The following PCDHA10 variants were observed in gnomAD, a reference collection of about 807,000 sequenced individuals.
PCDHA10 encodes protocadherin alpha 10.
In PCDHA10, 45 loss-of-function variants were observed where a neutral mutation model predicts 61.2. That is an observed-to-expected ratio of 0.74 (90% CI 0.58 to 0.94). PCDHA10 has a LOEUF of 0.94. Among genes scored for constraint, PCDHA10 ranks in the 40% least tolerant of loss-of-function variants. The pLI, the probability that PCDHA10 is intolerant of heterozygous loss-of-function variation, is 0.00. For synonymous variants in PCDHA10, 602 were observed against 548.8 expected (o/e 1.10, Z -1.35); for missense variants, 1,278 against 1,236.2 (o/e 1.03, Z -0.51).
chr5:140,861,270 A>G (rs900401240), intron 1 of PCDHA10: 2 of 180,284 alleles, frequency 1.1e-5, no homozygotes, highest in South Asian at 1.2e-4. Flanking sequence ...AGCCTACAGC[A>G]CTGGCTTCTG....
chr5:140,927,839 G>T (rs782594719), intron 1 of PCDHA10: 1 of 1,614,208 alleles, frequency 6.2e-7, no homozygotes, highest in South Asian at 1.1e-5. Context: ...AGGGACGAAG[G>T]TGTCTTTGGT....
At chr5:140,942,546 TA>T (rs1380022033) in intron 1 of PCDHA10, among the ~76,000 whole-genome samples, 4 of 150,044 alleles carry the variant, frequency 2.7e-5, no homozygotes, top group African/African-American at 9.8e-5. Flanking sequence ...TGGTGGGGGG[TA>T]GGGGGTTGAG....
At position 140,856,511 on chromosome 5, in the gene PCDHA10, G is replaced by A. The variant is rs1554148790; in HGVS notation, c.463G>A (p.Gly155Ser). The change falls in exon 1 of 4, where the codon GGC becomes AGC. Residue 155 changes from glycine (G) to serine (S), a missense_variant. Gly to Ser is a moderately conservative substitution (Grantham distance 56, BLOSUM62 0). Transcript: ENST00000307360. ...RLLDSRFPLE[G>S]ASDADVGENA... The stretch of plus-strand genomic sequence containing the variant: ...GCTTGACTCTCGATTTCCACTAGAA[G>A]GCGCATCTGATGCGGATGTTGGAGA... The A allele has an allele frequency of 6.3e-7, 1 of 1,598,478 alleles. No individual in the cohort carries two copies. Among genetic ancestry groups the A allele is most frequent in the Non-Finnish European group, 8.6e-7 (1 of 1,167,918 alleles).
chr5:140,969,547 A>C, intron 1 of PCDHA10: 10 of 1,244,334 alleles, frequency 8.0e-6, no homozygotes, highest in Non-Finnish European at 9.8e-6. Flanking sequence ...AGAGGCATGA[A>C]GCCTTGTCCA....
At chr5:140,893,385 G>A (rs2063961874) in intron 1 of PCDHA10, among the ~76,000 whole-genome samples, 1 of 152,138 alleles carries the variant, frequency 6.6e-6, no homozygotes, top group South Asian at 2.1e-4. Flanking sequence ...TGGGACAGTG[G>A]CTCATGCCTG....
At chr5:140,886,560 G>A (rs1230327560) in intron 1 of PCDHA10, among the ~76,000 whole-genome samples, 3 of 151,904 alleles carry the variant, frequency 2.0e-5, no homozygotes, top group Non-Finnish European at 4.4e-5. Flanking sequence ...GGGCACGGTG[G>A]CTCACGCCTG....
chr5:140,883,822 C>T, intron 1 of PCDHA10: 2 of 1,612,484 alleles, frequency 1.2e-6, no homozygotes, highest in Non-Finnish European at 1.7e-6. Flanking sequence ...GCAAGGTGTA[C>T]GCGCTGCAGC....
At position 140,993,463 on chromosome 5, in the gene PCDHA10, CA is replaced by C. The variant is rs1563591979; in HGVS notation, c.2536+10901del. ...ATTCCTGTTCTCCTTCTTTCTTTCTCACACACACACACACACACACACACAC... is the reference window on the plus strand; with the variant it reads ...ATTCCTGTTCTCCTTCTTTCTTTCTCCACACACACACACACACACACACAC... On this transcript the variant is annotated intron_variant, in intron 3 of 3. Coordinates refer to ENST00000307360, the MANE Select transcript of PCDHA10 (RefSeq NM_018901.4). Among the ~76,000 whole-genome samples the C allele has an allele frequency of 9.6e-3, 73 of 7,582 alleles. 1 individual carries two copies. The highest frequency in any genetic ancestry group is 0.047 in the African/African-American group (71 of 1,514). 5.0% of individuals were successfully genotyped at this position (7,582 alleles called of 152,430 possible).
At chr5:140,993,273 T>C (rs1212746492) in intron 3 of PCDHA10, among the ~76,000 whole-genome samples, 1 of 152,176 alleles carries the variant, frequency 6.6e-6, no homozygotes, top group Non-Finnish European at 1.5e-5. Flanking sequence ...TTCTTTGGTC[T>C]TTTCTTGCCC....
At chr5:140,954,356 CCA>C (rs1251664193) in intron 1 of PCDHA10, among the ~76,000 whole-genome samples, 1 of 152,152 alleles carries the variant, frequency 6.6e-6, no homozygotes, top group Non-Finnish European at 1.5e-5. Flanking sequence ...TGAGGAATCG[CCA>C]CACAGTCTCC....
intron 1 of PCDHA10, among the ~76,000 whole-genome samples, chr5:140,908,466 C>T (rs2073988233): frequency 6.6e-6 from 1 of 152,134 alleles, no homozygotes. Flanking sequence ...TCAGAAAGCA[C>T]CCAGTTCATG....
At chr5:140,970,753 C>T (rs1282500516) in intron 1 of PCDHA10, among the ~76,000 whole-genome samples, 1 of 152,176 alleles carries the variant, frequency 6.6e-6, no homozygotes, top group Non-Finnish European at 1.5e-5. Context: ...AATATATTTT[C>T]ATTGACATAT....
At chr5:141,000,421 AT>A (rs34755515) in intron 3 of PCDHA10, among the ~76,000 whole-genome samples, 491 of 27,806 alleles carry the variant, frequency 0.018, 4 homozygotes, top group South Asian at 0.021. Flanking sequence ...ATATATATAT[AT>A]TTTTTTTTTT....
At chr5:140,862,753 A>C (rs2047525211) in intron 1 of PCDHA10, 1 of 577,638 alleles carries the variant, frequency 1.7e-6, no homozygotes, top group Non-Finnish European at 3.3e-6. Context: ...GCACGCGGAG[A>C]GCGGCAAGAG....
intron 3 of PCDHA10, among the ~76,000 whole-genome samples, chr5:141,005,701 CAAAAAAAAAA>C (rs59860837): frequency 9.0e-4 from 7 of 7,792 alleles, no homozygotes; most frequent in East Asian, 6.4e-3. Context: ...AACTCCGTCT[CAAAAAAAAAA>C]AAAAAAAAAA....
chr5:140,951,793 C>G (rs536005204), intron 1 of PCDHA10, among the ~76,000 whole-genome samples: 1 of 152,126 alleles, frequency 6.6e-6, no homozygotes, highest in African/African-American at 2.4e-5. Flanking sequence ...ATACAATTAT[C>G]CCTTCCCAAT....
chr5:140,943,346 G>C (rs2153662502), intron 1 of PCDHA10, among the ~76,000 whole-genome samples: 1 of 151,738 alleles, frequency 6.6e-6, no homozygotes, highest in East Asian at 1.9e-4. Context: ...GACAGGATGA[G>C]AGTAGAGGAA....
chr5:140,876,017 T>C lies in PCDHA10; in HGVS notation c.2388+17581T>C, dbSNP rs371785405. The C allele has an allele frequency of 8.7e-6, 14 of 1,613,124 alleles. No homozygotes were observed. Among genetic ancestry groups the C allele is most frequent in the Admixed American group, 3.3e-5 (2 of 59,812 alleles). ...CTAAATGAGAATTTTGAGCTTAAAA[T>C]AAAAACAAAAAAAGATAAAAGTATA... On this transcript the variant is annotated intron_variant, in intron 1 of 3. Transcript: ENST00000307360.
intron 3 of PCDHA10, chr5:140,988,966 GGA>G (rs1339632887): frequency 2.0e-5 from 3 of 152,162 alleles, no homozygotes; most frequent in African/African-American, 7.2e-5. Flanking sequence ...GCCCCACGAT[GGA>G]GAGAAGCAGG....
Sources: allele counts gnomAD v4.1 joint callset (sites outside exome capture counted in the v4.1 genomes callset), GRCh38; gene constraint gnomAD v4.1.1; transcripts MANE v1.5; gene names NCBI Gene and HGNC (gene_info 2026-07-23, HGNC 2026-07-21).